The following CDCA7L variants were observed in gnomAD, a reference collection of about 807,000 sequenced individuals.
The protein encoded by CDCA7L is cell division cycle associated 7 like.
A neutral mutation model predicts 57.4 loss-of-function variants in CDCA7L; 44 were observed. The ratio of observed to expected loss-of-function variants is 0.77; its 90% CI spans 0.60 to 0.98. CDCA7L has a LOEUF of 0.98. CDCA7L is among the 50% of genes least tolerant of loss of function. The pLI, the probability that CDCA7L is intolerant of heterozygous loss-of-function variation, is 0.00. For missense variants in CDCA7L, 644 were observed against 580.6 expected, an observed-to-expected ratio of 1.11 and a Z score of -1.12; for synonymous variants, 236 against 202.8, an observed-to-expected ratio of 1.16 and a Z score of -1.39.
At position 21,902,001 on chromosome 7, in the gene CDCA7L, C is replaced by T; in HGVS notation, c.*321G>A. On this transcript the variant is annotated 3_prime_UTR_variant, in exon 10 of 10. Transcript: ENST00000406877. ...AGATCAAGTGCAGGAGCTGATCATA[C>T]AATGTTTTCTCTCTAACTTACTTAC... is the stretch of plus-strand genomic sequence containing the variant. 2.9e-6 allele frequency: 1 copy of T among 346,444 alleles called. No individual in the cohort carries two copies. Among genetic ancestry groups the T allele is most frequent in the South Asian group, 3.8e-5 (1 of 26,116 alleles). The allele number at this position is 346,444 out of a possible 1,614,324, so 21.5% of individuals were successfully genotyped here.
Position 21,908,110 on chromosome 7 carries a change from C to T in CDCA7L, c.681+20G>A, listed in dbSNP as rs370700786. The T allele has an allele frequency of 1.2e-4, 187 of 1,499,518 alleles. No homozygotes were observed. The South Asian group carries it at 1.7e-3, about 13-fold the overall frequency. 92.9% of individuals were successfully genotyped at this position (1,499,518 alleles called of 1,614,324 possible). A position where few individuals can be genotyped will look rare whatever the true frequency, so the allele number is the denominator to read the frequency against. On this transcript the variant is annotated intron_variant, in intron 4 of 9. Transcript: ENST00000406877. ...CAGAGCCTGGTGCCAACTCCCAGGA[C>T]GCCCTCCGTGAAGCCTCACCATGGC...
chr7:21,902,131 TTCCTCTGCTCTGCTG>T lies in CDCA7L; in HGVS notation c.*176_*190del. ...AGGTCTGTGCATACATCTATATAGA[TTCCTCTGCTCTGCTG>T]TCTTCCTGAGAAATCTTTGTAAGCA... On this transcript the variant is annotated 3_prime_UTR_variant, in exon 10 of 10. Transcript: ENST00000406877. The T allele has an allele frequency of 1.6e-6, 1 of 630,786 alleles. No individual in the cohort carries two copies. The allele number at this position is 630,786 out of a possible 1,614,324, so 39.1% of individuals were successfully genotyped here. A position where few individuals can be genotyped will look rare whatever the true frequency, so the allele number is the denominator to read the frequency against.
At chr7:21,908,938 G>C (rs1486514305) in intron 3 of CDCA7L, among the ~76,000 whole-genome samples, 1 of 152,204 alleles carries the variant, frequency 6.6e-6, no homozygotes, top group Non-Finnish European at 1.5e-5. Context: ...CCTCTAAATA[G>C]CAGGAACCAG....
intron 1 of CDCA7L, among the ~76,000 whole-genome samples, chr7:21,925,070 A>C (rs1442200843): frequency 6.6e-6 from 1 of 152,210 alleles, no homozygotes; most frequent in East Asian, 1.9e-4. Flanking sequence ...CTTGCTACTT[A>C]AAAGAAGAAA....
chr7:21,925,842 C>T (rs1161061383), intron 1 of CDCA7L, among the ~76,000 whole-genome samples: 2 of 152,094 alleles, frequency 1.3e-5, no homozygotes, highest in African/African-American at 2.4e-5. Flanking sequence ...AGCTATGATC[C>T]TGCCACTGTA....
At position 21,902,040 on chromosome 7, in the gene CDCA7L, C is replaced by A; in HGVS notation, c.*282G>T. 3 of 439,738 alleles carry A rather than the reference C, an allele frequency of 6.8e-6. No individual in the cohort carries two copies. The highest frequency in any genetic ancestry group is 3.5e-5 in the Admixed American group (1 of 28,608). 27.2% of individuals were successfully genotyped at this position (439,738 alleles called of 1,614,324 possible). ...TAACTTACTTACCTGAACTTTAACC[C>A]CACCCCATTTAAACTGTGCTTTTTA... On this transcript the variant is annotated 3_prime_UTR_variant, in exon 10 of 10. Coordinates refer to ENST00000406877, the MANE Select transcript of CDCA7L (RefSeq NM_018719.5).
chr7:21,902,753 C>T (rs191069603), intron 9 of CDCA7L: 87 of 522,954 alleles, frequency 1.7e-4, no homozygotes, highest in African/African-American at 1.5e-3. Flanking sequence ...TGGTTAAAGG[C>T]AACGTGGAGT....
chr7:21,927,529 CT>C (rs1303288425), intron 1 of CDCA7L, among the ~76,000 whole-genome samples: 6 of 152,118 alleles, frequency 3.9e-5, no homozygotes, highest in Admixed American at 3.9e-4. Flanking sequence ...ACAGCCTAAA[CT>C]ACTTCTTTAG....
intron 1 of CDCA7L, among the ~76,000 whole-genome samples, chr7:21,921,358 A>AAAAC (rs1554296942): frequency 4.6e-5 from 7 of 150,692 alleles, no homozygotes; most frequent in African/African-American, 1.5e-4. Flanking sequence ...AAAAAAAAAA[A>AAAAC]CTGTAAAATA....
At position 21,916,782 on chromosome 7, in the gene CDCA7L, C is replaced by T. The variant is rs746734289; in HGVS notation, c.137G>A (p.Ser46Asn). 1 of 1,614,030 alleles carries T rather than the reference C, an allele frequency of 6.2e-7. No homozygotes were observed. The stretch of plus-strand genomic sequence containing the variant: ...TTTCCCTGACTCTAGTGAGTCAAAA[C>T]TATCGCAGCTCTCCTCTGACGAGAG... Reference protein sequence around the residue: ...ETLSSEESCDSFDSLESGKQQ... With the variant: ...ETLSSEESCDNFDSLESGKQQ... Residue 46 changes from serine to asparagine, a missense_variant, in exon 2 of 10, where the codon AGT becomes AAT. Transcript: ENST00000406877.
chr7:21,936,120 A>G (rs1383352762), intron 1 of CDCA7L, among the ~76,000 whole-genome samples: 1 of 152,202 alleles, frequency 6.6e-6, no homozygotes, highest in Non-Finnish European at 1.5e-5. Context: ...CAAACAACCT[A>G]GCTAGATTAA....
At chr7:21,917,060 G>T (rs55658106) in intron 1 of CDCA7L, among the ~76,000 whole-genome samples, 166 bp from the exon 2 acceptor site, 31,704 of 151,936 alleles carry the variant, frequency 0.21, 4,113 homozygotes, top group East Asian at 0.55. Context: ...AGAACTCATG[G>T]CAAAATAAGG....
At chr7:21,916,355 C>T (rs145836939) in intron 2 of CDCA7L, among the ~76,000 whole-genome samples, 4 of 152,004 alleles carry the variant, frequency 2.6e-5, no homozygotes, top group Non-Finnish European at 5.9e-5. Flanking sequence ...AATTGCACCA[C>T]GGGACCACAG....
At position 21,911,773 on chromosome 7, in the gene CDCA7L, T is replaced by C; in HGVS notation, c.166-19A>G. On this transcript the variant is annotated intron_variant, in intron 2 of 9. Transcript: ENST00000406877. ...CATCCTGCTAAATTAAAGACACACA[T>C]ACATCAGAGACGGAAAGTAGAATAG... 1 of 1,608,330 alleles carries C rather than the reference T, an allele frequency of 6.2e-7. No homozygotes were observed. Among genetic ancestry groups the C allele is most frequent in the Non-Finnish European group, 8.5e-7 (1 of 1,177,940 alleles).
Position 21,901,406 on chromosome 7 carries a change from A to ATTCTAACTTTTTAGT in CDCA7L, c.*915_*916insACTAAAAAGTTAGAA. ...CTATCCTTAGAGTGAAAGTCAGAAA[A>ATTCTAACTTTTTAGT]AAATACTAGAAACTAACTCAGGGCT... On this transcript the variant is annotated 3_prime_UTR_variant, in exon 10 of 10. Coordinates refer to ENST00000406877, the MANE Select transcript of CDCA7L (RefSeq NM_018719.5). The ATTCTAACTTTTTAGT allele has an allele frequency of 1.8e-6, 2 of 1,121,170 alleles. No homozygotes were observed. Among genetic ancestry groups the ATTCTAACTTTTTAGT allele is most frequent in the East Asian group, 2.9e-5 (1 of 34,318 alleles). 69.5% of individuals were successfully genotyped at this position (1,121,170 alleles called of 1,614,324 possible). A position where few individuals can be genotyped will look rare whatever the true frequency, so the allele number is the denominator to read the frequency against.
intron 4 of CDCA7L, among the ~76,000 whole-genome samples, chr7:21,907,450 A>G (rs1165724820): frequency 6.6e-6 from 1 of 152,196 alleles, no homozygotes; most frequent in Non-Finnish European, 1.5e-5. Flanking sequence ...GCTAAAAGGG[A>G]TAAGTGGTAG....
Position 21,904,690 on chromosome 7 carries a change from C to G in CDCA7L, c.1048-431G>C, listed in dbSNP as rs189366676. The stretch of plus-strand genomic sequence containing the variant: ...CTGAAACCATCCCCTTCCTGCCCCC[C>G]AAATCCATGGAAAAACTGTCTTTCA... On this transcript the variant is annotated intron_variant, in intron 7 of 9. Coordinates refer to ENST00000406877, the MANE Select transcript of CDCA7L (RefSeq NM_018719.5). Among the ~76,000 whole-genome samples, 2 of 152,326 alleles carry G rather than the reference C, an allele frequency of 1.3e-5. 1 individual carries two copies. The highest frequency in any genetic ancestry group is 4.1e-4 in the South Asian group (2 of 4,828).
intron 1 of CDCA7L, among the ~76,000 whole-genome samples, chr7:21,919,441 G>T (rs1046310386): frequency 2.6e-5 from 4 of 152,018 alleles, no homozygotes; most frequent in African/African-American, 9.7e-5. Context: ...TCCTGTCCCA[G>T]ACCTCAAATC....
In CDCA7L at chr7:21,918,841, CAAAAA is replaced by C. The variant is rs1452211392; in HGVS notation, c.25-1952_25-1948del. ...TCTTCGCTTTTAAAACAAAACAAAA[CAAAAA>C]ACAATAACAACAACAAAAAACACCC... is the stretch of plus-strand genomic sequence containing the variant. On this transcript the variant is annotated intron_variant, in intron 1 of 9. Transcript: ENST00000406877. Among the ~76,000 whole-genome samples the C allele has an allele frequency of 2.6e-5, 4 of 152,070 alleles. No individual in the cohort carries two copies. The East Asian group carries it at 7.7e-4, about 29-fold the overall frequency.
Sources: gnomAD v4.1 joint callset for allele counts (sites outside exome capture counted in the v4.1 genomes callset) on GRCh38, gnomAD v4.1.1 for gene constraint, MANE v1.5 for transcripts, NCBI Gene and HGNC (gene_info 2026-07-23, HGNC 2026-07-21) for gene names.